PRKCQ: variants seen among roughly 807,000 people sequenced by gnomAD.
PRKCQ encodes protein kinase C theta type.
PRKCQ carries 41 observed loss-of-function variants against 91.2 expected under a neutral mutation model. The ratio of observed to expected loss-of-function variants is 0.45; its 90% CI spans 0.35 to 0.58. The LOEUF (loss-of-function observed/expected upper bound fraction) is 0.58. Among genes scored for constraint, PRKCQ ranks in the 20% least tolerant of loss-of-function variants. The pLI is 0.00. For synonymous variants in PRKCQ, 307 were observed against 316.9 expected, an observed-to-expected ratio of 0.97 and a Z score of 0.33; for missense variants, 673 against 896.5, an observed-to-expected ratio of 0.75 and a Z score of 3.18.
chr10:6,481,083 A>G (rs1836572904), intron 11 of PRKCQ, among the ~76,000 whole-genome samples: 1 of 152,204 alleles, frequency 6.6e-6, no homozygotes. Context: ...TCTTGCTTTG[A>G]TATCTCCCCC....
chr10:6,563,891 T>C (rs191261707), intron 1 of PRKCQ, among the ~76,000 whole-genome samples: 8 of 152,274 alleles, frequency 5.3e-5, no homozygotes, highest in East Asian at 3.9e-4. Context: ...GAGCTGTCCA[T>C]GTGCACAGCA....
chr10:6,418,101 TCTAA>T, the PRKCQ span, among the ~76,000 whole-genome samples: 96 of 152,352 alleles, frequency 6.3e-4, no homozygotes, highest in Admixed American at 1.3e-3. Context: ...CAGCAAGAGT[TCTAA>T]CTGACTTTTT....
the PRKCQ span, among the ~76,000 whole-genome samples, chr10:6,402,093 C>T: frequency 1.3e-5 from 2 of 152,044 alleles, no homozygotes; most frequent in African/African-American, 2.4e-5. Context: ...CAAACTAACA[C>T]AAGAACAGAA....
chr10:6,558,421 A>G (rs1390756715), intron 1 of PRKCQ, among the ~76,000 whole-genome samples: 4 of 152,240 alleles, frequency 2.6e-5, no homozygotes, highest in Admixed American at 2.6e-4. Context: ...GAGGAGTTAC[A>G]TACTGAAACC....
At chr10:6,501,659 T>TA (rs1041920864) in intron 4 of PRKCQ, among the ~76,000 whole-genome samples, 4 of 151,230 alleles carry the variant, frequency 2.6e-5, no homozygotes, top group East Asian at 1.9e-4. Context: ...CCGTCTCTAC[T>TA]AAAAAAAATA....
chr10:6,401,727 C>T, the PRKCQ span, among the ~76,000 whole-genome samples: 3 of 152,166 alleles, frequency 2.0e-5, no homozygotes, highest in Non-Finnish European at 4.4e-5. Flanking sequence ...GCTGTTGACC[C>T]GCCGTCTCTT....
At chr10:6,446,862 G>C (rs568993666) in intron 15 of PRKCQ, among the ~76,000 whole-genome samples, 18 of 152,344 alleles carry the variant, frequency 1.2e-4, no homozygotes, top group African/African-American at 2.4e-4. Context: ...GAGAGGAACA[G>C]TGGTTTCACC....
At chr10:6,490,629 C>T (rs1318499733) in intron 8 of PRKCQ, among the ~76,000 whole-genome samples, 1 of 151,792 alleles carries the variant, frequency 6.6e-6, no homozygotes, top group Non-Finnish European at 1.5e-5. Flanking sequence ...CCCATGGTCC[C>T]AGCTACTTGA....
At chr10:6,464,270 A>C in intron 13 of PRKCQ, 43 bp downstream of exon 13, 1 of 1,548,364 alleles carries the variant, frequency 6.5e-7, no homozygotes, top group South Asian at 1.2e-5. Flanking sequence ...GCAAGAACTG[A>C]CAAGAACAGT....
rs1397875691 is a variant in PRKCQ at position 6,430,749 on chromosome 10, C to T, written c.1965+61G>A. ...GAGCAGCTGCGGTGACTTGGACAGGCAGACGGCCCTGAGCGGAGGGAGAGT... is the reference window on the plus strand; with the variant it reads ...GAGCAGCTGCGGTGACTTGGACAGGTAGACGGCCCTGAGCGGAGGGAGAGT... On this transcript the variant is annotated intron_variant, in intron 17 of 17. Transcript: ENST00000263125. This position sits in a 1 kb window ranked among gnomAD's most constrained non-coding sequence, Gnocchi z 4.7. 11 of 1,578,624 alleles carry T rather than the reference C, an allele frequency of 7.0e-6. No homozygotes were observed. Among genetic ancestry groups the T allele is most frequent in the South Asian group, 1.2e-5 (1 of 84,420 alleles).
intron 1 of PRKCQ, among the ~76,000 whole-genome samples, chr10:6,540,599 T>C (rs920707979): frequency 6.6e-6 from 1 of 152,184 alleles, no homozygotes; most frequent in Admixed American, 6.5e-5. Flanking sequence ...TGATATTCCA[T>C]TGTATGAATA....
chr10:6,497,718 G>C lies in PRKCQ; in HGVS notation c.543-467C>G, dbSNP rs1370576148. On this transcript the variant is annotated intron_variant, in intron 5 of 17. Coordinates refer to ENST00000263125, the MANE Select transcript of PRKCQ (RefSeq NM_006257.5). This position sits in a 1 kb window ranked among gnomAD's most constrained non-coding sequence, Gnocchi z 4.5. ...CCTGAGTGACATCCATGATTAGAGA[G>C]AAAGGAGGTTCAAGTGATTAGACGA... Among the ~76,000 whole-genome samples the C allele has an allele frequency of 5.9e-5, 9 of 152,232 alleles. No homozygotes were observed. The highest frequency in any genetic ancestry group is 5.9e-4 in the Admixed American group (9 of 15,292).
intron 2 of PRKCQ, 25 bp downstream of exon 2, chr10:6,514,993 G>T: frequency 6.2e-7 from 1 of 1,611,862 alleles, no homozygotes; most frequent in Non-Finnish European, 8.5e-7. Context: ...CTCCTCCCCC[G>T]CTTTGAAAAT....
the PRKCQ span, among the ~76,000 whole-genome samples, chr10:6,405,686 G>C: frequency 2.6e-5 from 4 of 152,324 alleles, no homozygotes; most frequent in East Asian, 5.8e-4. Context: ...CCACTAGATG[G>C]CTCAAGTTCT....
At chr10:6,410,450 G>A in the PRKCQ span, among the ~76,000 whole-genome samples, 1 of 152,188 alleles carries the variant, frequency 6.6e-6, no homozygotes, top group Admixed American at 6.5e-5. Flanking sequence ...GCCTTCTTGG[G>A]AGGAAATGTA....
chr10:6,395,139 C>G, the PRKCQ span, among the ~76,000 whole-genome samples: 1 of 147,524 alleles, frequency 6.8e-6, no homozygotes. Context: ...TCTCGGCTCA[C>G]TGCAAGCTCC....
At chr10:6,548,333 C>T (rs1214628508) in intron 1 of PRKCQ, among the ~76,000 whole-genome samples, 1 of 151,938 alleles carries the variant, frequency 6.6e-6, no homozygotes, top group Non-Finnish European at 1.5e-5. Context: ...GGCGATTTCT[C>T]AGGGATCTAG....
chr10:6,515,295 T>C (rs1263486079), intron 1 of PRKCQ, 151 bp from the exon 2 acceptor site: 15 of 1,526,908 alleles, frequency 9.8e-6, no homozygotes, highest in Non-Finnish European at 1.2e-5. Context: ...CACTTCCCCT[T>C]CTGCAGAGGA....
chr10:6,423,572 G>A (rs1212357611), downstream of PRKCQ, among the ~76,000 whole-genome samples: 8 of 152,146 alleles, frequency 5.3e-5, no homozygotes, highest in Admixed American at 5.2e-4. Context: ...AAGACTCCCA[G>A]CACCTTGGGG....
Sources: allele counts gnomAD v4.1 joint callset (sites outside exome capture counted in the v4.1 genomes callset), GRCh38; gene constraint gnomAD v4.1.1; non-coding constraint Gnocchi (gnomAD v3.1); transcripts MANE v1.5; gene names NCBI Gene and HGNC (gene_info 2026-07-23, HGNC 2026-07-21).